The following MCCC1 variants were observed in gnomAD, a reference collection of about 807,000 sequenced individuals.
MCCC1 encodes the protein methylcrotonyl-CoA carboxylase subunit 1, also known as methylcrotonoyl-CoA carboxylase subunit alpha, mitochondrial.
Under a neutral mutation model 83.8 loss-of-function variants are expected in MCCC1, and 64 were observed. The ratio of observed to expected loss-of-function variants is 0.76; its 90% CI spans 0.62 to 0.94. The LOEUF is 0.94. MCCC1 is among the 40% of genes least tolerant of loss of function. The pLI is 0.00. For synonymous variants in MCCC1, 322 were observed against 315.4 expected (o/e 1.02, Z -0.22); for missense variants, 807 against 904.7 (o/e 0.89, Z 1.39).
At position 183,037,324 on chromosome 3, in the gene MCCC1, C is replaced by A. The variant is rs368399588; in HGVS notation, c.1488G>T (p.Leu496Phe). 2.0e-5 allele frequency: 33 copies of A among 1,614,006 alleles called. No homozygotes were observed. Among genetic ancestry groups the A allele is most frequent in the Non-Finnish European group, 2.8e-5 (33 of 1,180,040 alleles). Residue 496 changes from leucine (L) to phenylalanine (F), a missense_variant, in exon 13 of 19, where the codon TTG becomes TTT. Coordinates refer to ENST00000265594, the MANE Select transcript of MCCC1 (RefSeq NM_020166.5). Reference protein sequence around the residue: ...TDFIPQHHKQLLLSRKAAAKE... With the variant: ...TDFIPQHHKQFLLSRKAAAKE... ...TGGCTGCAGCCTTCCGACTGAGCAA[C>A]AACTGTTTGTGGTGTTGAGGGATGA...
At chr3:183,113,238 A>AC (rs1442846493) in intron 1 of MCCC1, among the ~76,000 whole-genome samples, 1 of 151,660 alleles carries the variant, frequency 6.6e-6, no homozygotes, top group Non-Finnish European at 1.5e-5. Context: ...AAAAAAAAAA[A>AC]AATTAACTGG....
intron 1 of MCCC1, among the ~76,000 whole-genome samples, chr3:183,112,953 C>T (rs1261865936): frequency 6.6e-6 from 1 of 151,816 alleles, no homozygotes; most frequent in African/African-American, 2.4e-5. Context: ...TGGCCGGGCA[C>T]GGTGGCTCAC....
chr3:183,020,195 A>G lies in MCCC1; in HGVS notation c.1912T>C (p.Ser638Pro), dbSNP rs771379943. 4.3e-6 allele frequency: 7 copies of G among 1,614,168 alleles called. No homozygotes were observed. The highest frequency in any genetic ancestry group is 4.5e-5 in the East Asian group (2 of 44,884). Residue 638 changes from serine (S) to proline (P), a missense_variant, in exon 17 of 19, where the codon TCT becomes CCT. Transcript: ENST00000265594. ...EIDIPVPKYL[S>P]SVSSQETQGG... is the part of the protein sequence containing the mutation. ...TGAGTTTCTTGTGAGCTCACAGAAG[A>G]TAAGTATTTGGGGACTGGAATGTCA... is the stretch of plus-strand genomic sequence containing the variant.
upstream of MCCC1, among the ~76,000 whole-genome samples, chr3:183,100,421 T>TTTCACC (rs1396998923): frequency 1.3e-5 from 2 of 152,240 alleles, no homozygotes; most frequent in East Asian, 3.9e-4. Context: ...CATGGCCCAC[T>TTTCACC]TTCACCTTCA....
intron 9 of MCCC1, among the ~76,000 whole-genome samples, chr3:183,049,292 C>A (rs1366832040): frequency 6.6e-6 from 1 of 151,200 alleles, no homozygotes; most frequent in Non-Finnish European, 1.5e-5. Flanking sequence ...TCACCAAAAC[C>A]CAAACCAGTT....
chr3:183,017,170 T>G (rs1448705408), intron 18 of MCCC1, 96 bp downstream of exon 18: 2 of 1,056,766 alleles, frequency 1.9e-6, no homozygotes, highest in East Asian at 4.7e-5. Flanking sequence ...GCTTTTCATA[T>G]TTAAGGTGGT....
chr3:183,034,197 T>C, intron 13 of MCCC1, 120 bp from the exon 14 acceptor site: 1 of 713,886 alleles, frequency 1.4e-6, no homozygotes, highest in Non-Finnish European at 2.4e-6. Flanking sequence ...ATGCCTGTAA[T>C]CCCAGCACTT....
At chr3:183,023,888 T>G (rs1042473060) in intron 15 of MCCC1, among the ~76,000 whole-genome samples, 6 of 152,140 alleles carry the variant, frequency 3.9e-5, no homozygotes, top group Admixed American at 3.3e-4. Context: ...ACACTAGAGG[T>G]TCTCAAAATA....
intron 1 of MCCC1, chr3:183,098,389 A>G (rs545891027): frequency 6.6e-6 from 1 of 152,316 alleles, no homozygotes; most frequent in South Asian, 2.1e-4. Context: ...TTGTGCTTAA[A>G]CCTCATTCCA....
rs574886530 is a variant in MCCC1 at position 183,109,157 on chromosome 3, A to G, written c.-102+6317T>C. Among the ~76,000 whole-genome samples the G allele has an allele frequency of 8.6e-5, 13 of 151,956 alleles. No homozygotes were observed. The South Asian group carries it at 2.7e-3, about 32-fold the overall frequency. ...CAGGCGCCGGCCACCATGCCCAGCT[A>G]ATTTTTGTATTTTTAGTAGAGACGG... On this transcript the variant is annotated intron_variant, in intron 1 of 17. Coordinates refer to the MCCC1 transcript ENST00000492597.
chr3:183,025,710 G>C, intron 15 of MCCC1, 45 bp downstream of exon 15: 1 of 1,551,514 alleles, frequency 6.4e-7, no homozygotes, highest in Non-Finnish European at 8.9e-7. Flanking sequence ...TATAAAAGCG[G>C]TCAGATTCAG....
intron 3 of MCCC1, among the ~76,000 whole-genome samples, chr3:183,090,156 G>A (rs1439339018): frequency 2.0e-5 from 3 of 152,152 alleles, no homozygotes; most frequent in Non-Finnish European, 4.4e-5. Flanking sequence ...CCAGATAAAG[G>A]ACACTGAGAG....
At chr3:183,019,987 C>A (rs1712015701) in intron 17 of MCCC1, 143 bp downstream of exon 17, 3 of 653,198 alleles carry the variant, frequency 4.6e-6, no homozygotes, top group Admixed American at 2.6e-5. Context: ...CAATTTGAAT[C>A]TGTAATAGAT....
intron 4 of MCCC1, among the ~76,000 whole-genome samples, chr3:183,081,908 G>C (rs1343278019): frequency 6.6e-6 from 1 of 152,190 alleles, no homozygotes; most frequent in Non-Finnish European, 1.5e-5. Context: ...CCCAGAGAGA[G>C]AAAGAGTTAA....
In MCCC1 at chr3:183,030,256, C is replaced by T. The variant is rs142493355; in HGVS notation, c.1681+3735G>A. Among the ~76,000 whole-genome samples the T allele has an allele frequency of 4.5e-3, 682 of 152,106 alleles. 3 individuals are homozygous for T. Among genetic ancestry groups the T allele is most frequent in the African/African-American group, 0.016 (648 of 41,494 alleles). ...CCGGGAGGCAGAAGTTGCAGTGAGC[C>T]GAGATCATACCACGGCACTCCTGCC... is the stretch of plus-strand genomic sequence containing the variant. On this transcript the variant is annotated intron_variant, in intron 14 of 18. Coordinates refer to ENST00000265594, the MANE Select transcript of MCCC1 (RefSeq NM_020166.5).
intron 1 of MCCC1, among the ~76,000 whole-genome samples, chr3:183,115,274 G>A (rs1034469630): frequency 7.9e-5 from 12 of 152,232 alleles, no homozygotes; most frequent in African/African-American, 2.4e-4. Flanking sequence ...AGGCATCTCC[G>A]CTTTGCTTAG....
At chr3:183,110,958 G>T (rs1371782552) in intron 1 of MCCC1, among the ~76,000 whole-genome samples, 1 of 152,116 alleles carries the variant, frequency 6.6e-6, no homozygotes, top group Admixed American at 6.5e-5. Flanking sequence ...TAGGTATGCA[G>T]CTTTATTTCT....
chr3:183,104,388 G>T (rs1719374508), upstream of MCCC1, among the ~76,000 whole-genome samples: 1 of 152,156 alleles, frequency 6.6e-6, no homozygotes, highest in African/African-American at 2.4e-5. Flanking sequence ...AAAGTGCTGG[G>T]ATTACAGGCA....
chr3:183,038,575 A>G (rs1314804123), intron 12 of MCCC1, among the ~76,000 whole-genome samples: 2 of 152,214 alleles, frequency 1.3e-5, no homozygotes, highest in Non-Finnish European at 2.9e-5. Flanking sequence ...AACAAACTCT[A>G]TTAAAGGGAT....
Sources: allele counts gnomAD v4.1 joint callset (sites outside exome capture counted in the v4.1 genomes callset), GRCh38; gene constraint gnomAD v4.1.1; transcripts MANE v1.5; gene names NCBI Gene and HGNC (gene_info 2026-07-23, HGNC 2026-07-21).